EHD4: variants seen among roughly 807,000 people sequenced by gnomAD.
The protein encoded by EHD4 is EH domain containing 4.
A neutral mutation model predicts 51.0 loss-of-function variants in EHD4; 37 were observed. That is an observed-to-expected ratio of 0.73 (90% CI 0.56 to 0.95). The LOEUF (loss-of-function observed/expected upper bound fraction) is 0.95, where lower values mean the gene tolerates loss of function less well. Among genes scored for constraint, EHD4 ranks in the 40% least tolerant of loss-of-function variants. The pLI, the probability that EHD4 is intolerant of heterozygous loss-of-function variation, is 0.00. For synonymous variants in EHD4, 297 were observed against 317.3 expected (o/e 0.94, Z 0.68); for missense variants, 632 against 733.1 (o/e 0.86, Z 1.59).
intron 2 of EHD4, among the ~76,000 whole-genome samples, chr15:41,951,815 C>G (rs148295005): frequency 7.8e-4 from 119 of 152,314 alleles, no homozygotes; most frequent in African/African-American, 2.8e-3. Flanking sequence ...GGGCTTAACC[C>G]CCTCTCCCAC....
At chr15:41,953,658 A>C in intron 2 of EHD4, 106 bp downstream of exon 2, 18 of 1,200,614 alleles carry the variant, frequency 1.5e-5, no homozygotes, top group Non-Finnish European at 2.1e-5. Context: ...CTTCTAGAGC[A>C]GAGATTCTTT....
intron 4 of EHD4, among the ~76,000 whole-genome samples, chr15:41,915,227 A>G (rs1388100863): frequency 1.3e-5 from 2 of 152,214 alleles, no homozygotes; most frequent in Non-Finnish European, 2.9e-5. Flanking sequence ...GCCTAGAGAA[A>G]AACTGTCATT....
In EHD4 at chr15:41,896,593, G is replaced by A. The variant is rs1241025269; in HGVS notation, c.*4052C>T. On this transcript the variant is annotated 3_prime_UTR_variant, in exon 6 of 6. Coordinates refer to ENST00000220325, the MANE Select transcript of EHD4 (RefSeq NM_139265.4). ...GTCTGGACCACCAAAAAGGTAGATG[G>A]GTTGGTGGGAAAAGCCAGATGCCTA... The A allele has an allele frequency of 6.6e-6, 1 of 151,886 alleles. No individual in the cohort carries two copies. The highest frequency in any genetic ancestry group is 1.5e-5 in the Non-Finnish European group (1 of 67,958). 9.4% of individuals were successfully genotyped at this position (151,886 alleles called of 1,614,324 possible). A position where few individuals can be genotyped will look rare whatever the true frequency, so the allele number is the denominator to read the frequency against.
At chr15:41,908,846 A>G (rs2067529024) in intron 5 of EHD4, 2 of 152,180 alleles carry the variant, frequency 1.3e-5, no homozygotes, top group Non-Finnish European at 1.5e-5. Flanking sequence ...AGGGTGACAG[A>G]GTTTCTCTTT....
intron 2 of EHD4, among the ~76,000 whole-genome samples, chr15:41,951,020 C>A (rs749655805): frequency 6.6e-6 from 1 of 152,186 alleles, no homozygotes; most frequent in Non-Finnish European, 1.5e-5. Flanking sequence ...TAACCCTAAC[C>A]CTAACCCTAA....
intron 3 of EHD4, among the ~76,000 whole-genome samples, chr15:41,929,442 T>C (rs984362723): frequency 6.6e-6 from 1 of 152,250 alleles, no homozygotes; most frequent in Non-Finnish European, 1.5e-5. Flanking sequence ...TCCACGCCAG[T>C]ACTCGGCCCA....
chr15:41,932,856 C>A (rs1315549369), intron 3 of EHD4, among the ~76,000 whole-genome samples: 1 of 152,226 alleles, frequency 6.6e-6, no homozygotes, highest in Admixed American at 6.5e-5. Flanking sequence ...CTCGGCCATC[C>A]TCTGCCCTCC....
intron 3 of EHD4, among the ~76,000 whole-genome samples, chr15:41,931,348 CA>C (rs1055994761): frequency 5.9e-5 from 9 of 151,916 alleles, no homozygotes; most frequent in African/African-American, 1.9e-4. Context: ...CCCATCTCTA[CA>C]AAAAATGCAA....
At chr15:41,934,508 G>T (rs1031955141) in intron 3 of EHD4, among the ~76,000 whole-genome samples, 13 of 151,966 alleles carry the variant, frequency 8.6e-5, no homozygotes, top group African/African-American at 2.9e-4. Flanking sequence ...TGGAGACTGG[G>T]TCTCTCTATG....
intron 4 of EHD4, among the ~76,000 whole-genome samples, chr15:41,910,801 T>A (rs1477601754): frequency 6.6e-6 from 1 of 152,178 alleles, no homozygotes; most frequent in East Asian, 1.9e-4. Context: ...ACTCCTGACC[T>A]CAGGTGATCC....
At chr15:41,945,440 T>TG (rs2067805149) in intron 2 of EHD4, among the ~76,000 whole-genome samples, 1 of 151,982 alleles carries the variant, frequency 6.6e-6, no homozygotes, top group African/African-American at 2.4e-5. Context: ...CGTCACCACA[T>TG]GGCATACAAG....
chr15:41,971,102 A>T (rs888662626), intron 1 of EHD4, among the ~76,000 whole-genome samples: 1 of 152,240 alleles, frequency 6.6e-6, no homozygotes, highest in African/African-American at 2.4e-5. Context: ...ATTCATTCGC[A>T]GTGTATCTGG....
chr15:41,943,560 G>A (rs2067791533), intron 2 of EHD4, among the ~76,000 whole-genome samples: 1 of 152,220 alleles, frequency 6.6e-6, no homozygotes, highest in African/African-American at 2.4e-5. Flanking sequence ...CATAAGAGAG[G>A]TTAAGTAATG....
At chr15:41,912,620 G>A (rs930399311) in intron 4 of EHD4, among the ~76,000 whole-genome samples, 16 of 152,230 alleles carry the variant, frequency 1.1e-4, no homozygotes, top group African/African-American at 3.4e-4. Context: ...GCTTGAACCC[G>A]GGAGGCAGAG....
chr15:41,918,242 A>ACACG (rs1347109024), intron 4 of EHD4, among the ~76,000 whole-genome samples: 59 of 130,480 alleles, frequency 4.5e-4, no homozygotes, highest in African/African-American at 2.5e-4. Context: ...ACACACACAC[A>ACACG]CGCGCATGTT....
chr15:41,902,241 C>CTCCATCCATCCATCCA (rs56023420), intron 5 of EHD4, among the ~76,000 whole-genome samples: 45 of 146,314 alleles, frequency 3.1e-4, no homozygotes, highest in African/African-American at 1.0e-3. Flanking sequence ...TCCTTGGTTA[C>CTCCATCCATCCATCCA]TCCATCCATC....
At chr15:41,968,541 C>T (rs374099585) in intron 1 of EHD4, among the ~76,000 whole-genome samples, 1 of 150,010 alleles carries the variant, frequency 6.7e-6, no homozygotes, top group South Asian at 2.1e-4. Context: ...CCACCTACCT[C>T]AGTCTCCCAA....
At chr15:41,901,280 G>A (rs769960025) in intron 5 of EHD4, 99 bp from the exon 6 acceptor site, 9 of 1,309,618 alleles carry the variant, frequency 6.9e-6, no homozygotes, top group East Asian at 2.4e-5. Flanking sequence ...CCAGGCAGAC[G>A]TCCCACCCAC....
chr15:41,947,822 T>C (rs1433163122), intron 2 of EHD4, among the ~76,000 whole-genome samples: 12 of 152,184 alleles, frequency 7.9e-5, no homozygotes, highest in Admixed American at 6.5e-4. Flanking sequence ...AACCTAAATA[T>C]GTACTTTTAT....
Sources: allele counts gnomAD v4.1 joint callset (sites outside exome capture counted in the v4.1 genomes callset), GRCh38; gene constraint gnomAD v4.1.1; transcripts MANE v1.5; gene names NCBI Gene and HGNC (gene_info 2026-07-23, HGNC 2026-07-21).